The following FSIP2 variants were observed in gnomAD, a reference collection of about 807,000 sequenced individuals.
FSIP2 encodes fibrous sheath interacting protein 2.
Under a neutral mutation model 510.5 loss-of-function variants are expected in FSIP2, and 367 were observed. The ratio of observed to expected loss-of-function variants is 0.72; its 90% CI spans 0.66 to 0.78. FSIP2 has a LOEUF of 0.78. Ranked by LOEUF, FSIP2 falls within the 30% of genes least tolerant of loss-of-function variation. The probability of loss-of-function intolerance (pLI) is 0.00; values close to 1 mark genes in which losing one functional copy is unlikely to be tolerated. For synonymous variants in FSIP2, 2,601 were observed against 2,732.2 expected (o/e 0.95, Z 1.50); for missense variants, 7,594 against 7,901.7 (o/e 0.96, Z 1.48).
chr2:185,793,748 G>A lies in FSIP2; in HGVS notation c.6612G>A (p.Gly2204=). The A allele has an allele frequency of 6.5e-7, 1 of 1,533,276 alleles. No individual in the cohort carries two copies. Among genetic ancestry groups the A allele is most frequent in the Admixed American group, 2.0e-5 (1 of 50,626 alleles). 95.0% of individuals were successfully genotyped at this position (1,533,276 alleles called of 1,614,324 possible). Reference sequence around the variant, plus strand: ...TAGACTGTCAACAGCCTCTTAAGGGGTCAAAAACTGAAAGAAAAACAGAGC... The same window carrying A: ...TAGACTGTCAACAGCCTCTTAAGGGATCAAAAACTGAAAGAAAAACAGAGC... ...PKIDCQQPLK[G]SKTERKTERF... The change falls in exon 16 of 23, where the codon GGG becomes GGA. Residue 2204 remains glycine (G), a synonymous_variant. Coordinates refer to ENST00000424728, the MANE Select transcript of FSIP2 (RefSeq NM_173651.4).
chr2:185,778,893 C>A (rs967100003), intron 13 of FSIP2, among the ~76,000 whole-genome samples: 2 of 151,880 alleles, frequency 1.3e-5, no homozygotes. Context: ...TAGCTCTGCC[C>A]ATTTTAAAAA....
At position 185,764,620 on chromosome 2, in the gene FSIP2, C is replaced by T. The variant is rs1692426195; in HGVS notation, c.1411+55C>T. 6 of 1,204,314 alleles carry T rather than the reference C, an allele frequency of 5.0e-6. 1 individual carries two copies. In the Admixed American group the frequency reaches 1.0e-4, roughly 21 times the overall value. The allele number at this position is 1,204,314 out of a possible 1,614,324, so 74.6% of individuals were successfully genotyped here. A position where few individuals can be genotyped will look rare whatever the true frequency, so the allele number is the denominator to read the frequency against. On this transcript the variant is annotated intron_variant, in intron 13 of 22. Coordinates refer to ENST00000424728, the MANE Select transcript of FSIP2 (RefSeq NM_173651.4). ...TCTTGCATTCTATTTATTCTTTCAA[C>T]TGACATTTACTGAGTTTTTGCTTCA...
chr2:185,787,052 A>G (rs1383368476), intron 15 of FSIP2, among the ~76,000 whole-genome samples: 4 of 151,912 alleles, frequency 2.6e-5, no homozygotes, highest in Non-Finnish European at 5.9e-5. Flanking sequence ...TAAGAGTAAT[A>G]ATGTAGGTTT....
rs2105651127 is a variant in FSIP2, at chr2:185,806,238, T to G, written c.16932T>G (p.Thr5644=). Residue 5644 remains threonine, a synonymous_variant, in exon 17 of 23, where the codon ACT becomes ACG. Transcript: ENST00000424728. ...GAAATCTAGGGACTACAACAGATAC[T>G]TTGGAAATAAGAATTCGAACATCAA... The part of the protein sequence containing the change: ...SKRNLGTTTD[T]LEIRIRTSSN... 6.2e-7 allele frequency: 1 copy of G among 1,610,076 alleles called. No individual in the cohort carries two copies. Among genetic ancestry groups the G allele is most frequent in the East Asian group, 2.2e-5 (1 of 44,686 alleles).
Position 185,802,311 on chromosome 2 carries a change from C to T in FSIP2, c.13005C>T (p.Thr4335=). 6.5e-7 allele frequency: 1 copy of T among 1,533,532 alleles called. No individual in the cohort carries two copies. Among genetic ancestry groups the T allele is most frequent in the Non-Finnish European group, 8.7e-7 (1 of 1,145,238 alleles). 95.0% of individuals were successfully genotyped at this position (1,533,532 alleles called of 1,614,324 possible). Residue 4335 remains threonine (T), a synonymous_variant, in exon 17 of 23, where the codon ACC becomes ACT. Transcript: ENST00000424728. ...CTGAAATTGAGTTGAAAAACATGAC[C>T]CAAAGAATAGTAAACTCCATAAATA... ...HNTEIELKNM[T]QRIVNSINRH...
At position 185,795,514 on chromosome 2, in the gene FSIP2, C is replaced by T. The variant is rs779498851; in HGVS notation, c.8378C>T (p.Pro2793Leu). The change falls in exon 16 of 23, where the codon CCG (proline) becomes CTG (leucine). Residue 2793 changes from proline (P) to leucine (L), a missense_variant. Transcript: ENST00000424728. ...YVTNNCNLAY[P>L]MKSSHLRLSQ... Reference sequence around the variant, plus strand: ...ACCAATAACTGCAATTTGGCTTACCCGATGAAATCCTCACATCTCAGACTT... The same window carrying T: ...ACCAATAACTGCAATTTGGCTTACCTGATGAAATCCTCACATCTCAGACTT... 1.5e-4 allele frequency: 235 copies of T among 1,534,556 alleles called. No individual in the cohort carries two copies. Among genetic ancestry groups the T allele is most frequent in the South Asian group, 6.8e-4 (57 of 83,978 alleles).
At chr2:185,786,392 G>C in intron 15 of FSIP2, 104 bp downstream of exon 15, 1 of 735,804 alleles carries the variant, frequency 1.4e-6, no homozygotes, top group Non-Finnish European at 2.2e-6. Flanking sequence ...ATCATCCATT[G>C]ATATTTGTTA....
chr2:185,770,214 T>C (rs1386287397), intron 13 of FSIP2, among the ~76,000 whole-genome samples: 1 of 152,204 alleles, frequency 6.6e-6, no homozygotes, highest in Non-Finnish European at 1.5e-5. Flanking sequence ...GCATAGTACC[T>C]TTTTCTACTT....
rs1467191736 is a variant in FSIP2 at position 185,801,066 on chromosome 2, T to C, written c.11760T>C (p.Ser3920=). The C allele has an allele frequency of 2.6e-6, 4 of 1,532,122 alleles. No homozygotes were observed. Among genetic ancestry groups the C allele is most frequent in the Non-Finnish European group, 3.5e-6 (4 of 1,144,862 alleles). The allele number at this position is 1,532,122 out of a possible 1,614,324, so 94.9% of individuals were successfully genotyped here. A position where few individuals can be genotyped will look rare whatever the true frequency, so the allele number is the denominator to read the frequency against. The change falls in exon 17 of 23, where the codon AGT becomes AGC. Residue 3920 remains serine, a synonymous_variant. Transcript: ENST00000424728. ...NSLTVSLNNP[S]VVSSKIQAPF... ...TGACAGTATCCCTGAATAATCCCAG[T>C]GTGGTTAGCTCCAAAATACAAGCAC...
chr2:185,746,539 A>C lies in FSIP2; in HGVS notation c.618-130A>C, dbSNP rs187894873. ...GGTTTATAAACAGGACTGACAGAAA[A>C]ACAGTAAAATTCTTGTAGTTCAAGA... On this transcript the variant is annotated intron_variant, in intron 5 of 22. Transcript: ENST00000424728. 1,419 of 674,802 alleles carry C rather than the reference A, an allele frequency of 2.1e-3. 6 individuals are homozygous for C. Among genetic ancestry groups the C allele is most frequent in the Admixed American group, 3.1e-3 (96 of 30,890 alleles). 41.8% of individuals were successfully genotyped at this position (674,802 alleles called of 1,614,324 possible).
intron 13 of FSIP2, among the ~76,000 whole-genome samples, chr2:185,768,576 T>C (rs890170256): frequency 2.6e-5 from 4 of 152,158 alleles, no homozygotes; most frequent in Non-Finnish European, 5.9e-5. Context: ...TTATTTTCCA[T>C]ATTTATGTTG....
At chr2:185,832,657 CA>C (rs903175570) in intron 22 of FSIP2, among the ~76,000 whole-genome samples, 4 of 151,050 alleles carry the variant, frequency 2.6e-5, no homozygotes, top group East Asian at 2.0e-4. Flanking sequence ...ATAAGAGGTG[CA>C]AAAAAAATGC....
In FSIP2 at chr2:185,797,365, T is replaced by A. The variant is rs531705697; in HGVS notation, c.10229T>A (p.Leu3410Ter). The change falls in exon 16 of 23, where the codon TTG (leucine) becomes TAG (stop). Residue 3410 changes from leucine to a stop codon, truncating the protein, a stop_gained. Coordinates refer to ENST00000424728, the MANE Select transcript of FSIP2 (RefSeq NM_173651.4). LOFTEE classifies it high-confidence loss of function. ...GCCAGCCGGGAAGATTCTTCTTTTT[T>A]GCAAAAATTGAAAAAAAAGGAGTAC... ...LEASREDSSF[L>*]QKLKKKEYPK... 4 of 1,528,918 alleles carry A rather than the reference T, an allele frequency of 2.6e-6. No individual in the cohort carries two copies. Among genetic ancestry groups the A allele is most frequent in the Non-Finnish European group, 3.5e-6 (4 of 1,144,786 alleles). 94.7% of individuals were successfully genotyped at this position (1,528,918 alleles called of 1,614,324 possible).
intron 21 of FSIP2, 45 bp downstream of exon 21, chr2:185,828,244 G>T: frequency 9.5e-7 from 1 of 1,055,474 alleles, no homozygotes; most frequent in Non-Finnish European, 1.5e-6. Context: ...TTAGGAGCTA[G>T]TTCAGAACAA....
chr2:185,759,960 C>T (rs1438703587), intron 9 of FSIP2, among the ~76,000 whole-genome samples: 1 of 149,850 alleles, frequency 6.7e-6, no homozygotes, highest in African/African-American at 2.4e-5. Context: ...TGCTACAGGG[C>T]TCTTCATATT....
chr2:185,776,672 CA>C (rs1157681037), intron 13 of FSIP2, among the ~76,000 whole-genome samples: 2 of 152,140 alleles, frequency 1.3e-5, no homozygotes, highest in African/African-American at 4.8e-5. Flanking sequence ...TGATATATGA[CA>C]TTTTTAAGTG....
In FSIP2 at chr2:185,833,096, C is replaced by T. The variant is rs1199087870; in HGVS notation, c.20594C>T (p.Pro6865Leu). 1 of 1,609,808 alleles carries T rather than the reference C, an allele frequency of 6.2e-7. No individual in the cohort carries two copies. The highest frequency in any genetic ancestry group is 1.1e-5 in the South Asian group (1 of 90,562). Residue 6865 changes from proline (P) to leucine (L), a missense_variant, in exon 23 of 23, where the codon CCC (proline) becomes CTC (leucine). Coordinates refer to ENST00000424728, the MANE Select transcript of FSIP2 (RefSeq NM_173651.4). The part of the protein sequence containing the change: ...NPSKEVISET[P>L]KPDVSKQGSK... Reference sequence around the variant, plus strand: ...TTGTTTACTTTGTCCACAGAAACTCCCAAGCCCGATGTCTCCAAACAAGGA... The same window carrying T: ...TTGTTTACTTTGTCCACAGAAACTCTCAAGCCCGATGTCTCCAAACAAGGA...
intron 13 of FSIP2, among the ~76,000 whole-genome samples, chr2:185,778,245 G>C (rs1318937780): frequency 6.6e-6 from 1 of 151,898 alleles, no homozygotes; most frequent in Non-Finnish European, 1.5e-5. Flanking sequence ...TAAAATGCAT[G>C]TTAGTTTGGC....
chr2:185,802,780 G>A lies in FSIP2; in HGVS notation c.13474G>A (p.Asp4492Asn), dbSNP rs1264601365. 1 of 1,519,406 alleles carries A rather than the reference G, an allele frequency of 6.6e-7. No homozygotes were observed. 94.1% of individuals were successfully genotyped at this position (1,519,406 alleles called of 1,614,324 possible). ...TGCATCTAGCCTGGTTCTAAACAGAGACACCCAAAAAGATATATCAAGAGT... is the reference window on the plus strand; with the variant it reads ...TGCATCTAGCCTGGTTCTAAACAGAAACACCCAAAAAGATATATCAAGAGT... ...SSASSLVLNR[D>N]TQKDISRVNF... The change falls in exon 17 of 23, where the codon GAC becomes AAC. Residue 4492 changes from aspartate (D) to asparagine (N), a missense_variant. Physicochemically the swap from Asp to Asn is conservative, Grantham distance 23. Transcript: ENST00000424728.
Sources: gnomAD v4.1 joint callset for allele counts (sites outside exome capture counted in the v4.1 genomes callset) on GRCh38, gnomAD v4.1.1 for gene constraint, MANE v1.5 for transcripts, NCBI Gene and HGNC (gene_info 2026-07-23, HGNC 2026-07-21) for gene names.